The following TMTC1 variants were observed in gnomAD, a reference collection of about 807,000 sequenced individuals.
TMTC1 encodes protein O-mannosyl-transferase TMTC1.
Under a neutral mutation model 104.8 loss-of-function variants are expected in TMTC1, and 73 were observed. The ratio of observed to expected loss-of-function variants is 0.70; its 90% CI spans 0.58 to 0.85. The LOEUF is 0.85. TMTC1 is among the 40% of genes least tolerant of loss of function. The pLI is 0.00. For synonymous variants in TMTC1, 434 were observed against 428.7 expected (o/e 1.01, Z -0.15); for missense variants, 1,035 against 1,096.1 (o/e 0.94, Z 0.79).
chr12:29,704,837 C>T (rs1941695164), intron 5 of TMTC1, among the ~76,000 whole-genome samples: 1 of 152,208 alleles, frequency 6.6e-6, no homozygotes, highest in South Asian at 2.1e-4. Flanking sequence ...GCTGGTTCTA[C>T]TCCACTTCCA....
intron 2 of TMTC1, among the ~76,000 whole-genome samples, chr12:29,767,197 C>T (rs920046939): frequency 1.6e-4 from 25 of 152,160 alleles, no homozygotes; most frequent in African/African-American, 4.6e-4. Context: ...AAGTGATCTG[C>T]CTGTCTCAGC....
chr12:29,580,367 C>A (rs934419418), intron 8 of TMTC1, among the ~76,000 whole-genome samples: 7 of 151,938 alleles, frequency 4.6e-5, no homozygotes, highest in Non-Finnish European at 1.0e-4. Context: ...GTGTAGGAAC[C>A]CTGCATCTGT....
At chr12:29,532,404 G>GA (rs1172471002) in intron 11 of TMTC1, among the ~76,000 whole-genome samples, 1 of 151,324 alleles carries the variant, frequency 6.6e-6, no homozygotes, top group African/African-American at 2.4e-5. Flanking sequence ...AAAGCCCTAA[G>GA]AAAAAAAAGC....
At chr12:29,541,126 C>T (rs1944785575) in intron 10 of TMTC1, among the ~76,000 whole-genome samples, 1 of 152,146 alleles carries the variant, frequency 6.6e-6, no homozygotes, top group South Asian at 2.1e-4. Context: ...TATGATTCCC[C>T]CATGTTACAT....
chr12:29,553,290 T>C (rs1945154618), intron 10 of TMTC1, among the ~76,000 whole-genome samples: 1 of 152,168 alleles, frequency 6.6e-6, no homozygotes, highest in African/African-American at 2.4e-5. Context: ...AAAATGGGGA[T>C]GAGGAAGGCA....
intron 9 of TMTC1, among the ~76,000 whole-genome samples, chr12:29,564,042 G>A (rs140583438): frequency 7.7e-4 from 117 of 152,260 alleles, no homozygotes; most frequent in African/African-American, 1.9e-3. Flanking sequence ...GGAGGGGTAA[G>A]AGCAGGAAGA....
At chr12:29,716,840 C>T (rs963086279) in intron 5 of TMTC1, among the ~76,000 whole-genome samples, 1 of 152,008 alleles carries the variant, frequency 6.6e-6, no homozygotes, top group Non-Finnish European at 1.5e-5. Flanking sequence ...ACAGTGAAAC[C>T]CCGTCTCTAC....
Position 29,710,908 on chromosome 12 carries a change from A to G in TMTC1, c.938+40758T>C, listed in dbSNP as rs1277082094. Among the ~76,000 whole-genome samples, 8 of 1,516 alleles carry G rather than the reference A, an allele frequency of 5.3e-3. 1 individual carries two copies. Among genetic ancestry groups the G allele is most frequent in the African/African-American group, 5.9e-3 (8 of 1,358 alleles). The allele number at this position is 1,516 out of a possible 152,430, so 1.0% of individuals were successfully genotyped here. ...ATTATTAATATATAAATATATTAAT[A>G]ATATATAAATATATATAAATATATT... On this transcript the variant is annotated intron_variant, in intron 5 of 17. Coordinates refer to ENST00000539277, the MANE Select transcript of TMTC1 (RefSeq NM_001193451.2).
At chr12:29,672,134 G>C (rs144157151) in intron 5 of TMTC1, among the ~76,000 whole-genome samples, 3 of 152,186 alleles carry the variant, frequency 2.0e-5, no homozygotes, top group Non-Finnish European at 4.4e-5. Context: ...GATTGATGGT[G>C]ACTCCATCTC....
At chr12:29,663,325 A>T (rs1367972463) in intron 5 of TMTC1, among the ~76,000 whole-genome samples, 1 of 152,172 alleles carries the variant, frequency 6.6e-6, no homozygotes, top group Admixed American at 6.5e-5. Flanking sequence ...GAAATGGAAA[A>T]GGTGCTGGGG....
At chr12:29,737,082 G>A (rs77029314) in intron 5 of TMTC1, among the ~76,000 whole-genome samples, 4,360 of 152,334 alleles carry the variant, frequency 0.029, 131 homozygotes, top group African/African-American at 0.076. Flanking sequence ...AATGTGACAC[G>A]TCGCACCCGA....
intron 5 of TMTC1, among the ~76,000 whole-genome samples, chr12:29,643,460 TGGA>T (rs796245158): frequency 1.8e-3 from 99 of 55,184 alleles, no homozygotes; most frequent in African/African-American, 3.1e-3. Flanking sequence ...ATATATATGA[TGGA>T]ATATATATAT....
In TMTC1 at chr12:29,633,179, A is replaced by AGCCTTATT. The variant is rs1478344166; in HGVS notation, c.1095_1096insAATAAGGC (p.Leu366AsnfsTer5). ...GCTGCTAAGCAGTGCAGGCTCAATA[A>AGCCTTATT]GGCCATCACAACCGCCAGAAAGATG... On this transcript the variant is annotated frameshift_variant, in exon 6 of 18. Coordinates refer to ENST00000539277, the MANE Select transcript of TMTC1 (RefSeq NM_001193451.2). LOFTEE classifies it high-confidence loss of function. 24 of 1,613,906 alleles carry AGCCTTATT rather than the reference A, an allele frequency of 1.5e-5. No individual in the cohort carries two copies. The highest frequency in any genetic ancestry group is 1.4e-5 in the Non-Finnish European group (17 of 1,179,940).
chr12:29,662,073 T>G (rs539609327), intron 5 of TMTC1, among the ~76,000 whole-genome samples: 1 of 152,230 alleles, frequency 6.6e-6, no homozygotes, highest in East Asian at 1.9e-4. Context: ...ACATGCAAAA[T>G]TCTACACGGA....
chr12:29,662,021 C>T (rs113115997), intron 5 of TMTC1, among the ~76,000 whole-genome samples: 81 of 152,160 alleles, frequency 5.3e-4, no homozygotes, highest in African/African-American at 1.9e-3. Context: ...ATTAAGAAGC[C>T]CCAAATGAAA....
intron 6 of TMTC1, among the ~76,000 whole-genome samples, chr12:29,631,523 T>C (rs1206341066): frequency 1.4e-4 from 22 of 152,214 alleles, no homozygotes; most frequent in Admixed American, 1.4e-3. Context: ...TTGACAACTA[T>C]GTCAAAAAAC....
rs148283791 is a variant in TMTC1 at position 29,600,906 on chromosome 12, T to C, written c.1250+3272A>G. On this transcript the variant is annotated intron_variant, in intron 7 of 17. Coordinates refer to ENST00000539277, the MANE Select transcript of TMTC1 (RefSeq NM_001193451.2). Reference sequence around the variant, plus strand: ...GACTTAGTGATAATGCTGCAAGGCATAGATGCAGGAACTTGGAAAGAAAAG... The same window carrying C: ...GACTTAGTGATAATGCTGCAAGGCACAGATGCAGGAACTTGGAAAGAAAAG... 3.2e-4 allele frequency among the ~76,000 whole-genome samples: 48 copies of C among 152,326 alleles called. 2 individuals carry two copies. Among genetic ancestry groups the C allele is most frequent in the Admixed American group, 2.9e-3 (44 of 15,302 alleles).
intron 10 of TMTC1, among the ~76,000 whole-genome samples, chr12:29,549,442 G>A (rs370891728): frequency 1.3e-3 from 196 of 152,124 alleles, no homozygotes; most frequent in African/African-American, 4.3e-3. Flanking sequence ...AATTGTCTAC[G>A]TTATTTTGGG....
Position 29,587,166 on chromosome 12 carries a change from G to C in TMTC1, c.1251-3592C>G, listed in dbSNP as rs531366187. ...ACTGCTTCCTGGTTTAGTCTTGGGA[G>C]GGTGTAAGTGTCGAGGAATTTATCC... On this transcript the variant is annotated intron_variant, in intron 7 of 17. Coordinates refer to ENST00000539277, the MANE Select transcript of TMTC1 (RefSeq NM_001193451.2). Among the ~76,000 whole-genome samples, 12 of 152,246 alleles carry C rather than the reference G, an allele frequency of 7.9e-5. No individual in the cohort carries two copies. In the East Asian group the frequency reaches 2.3e-3, roughly 29 times the overall value.
Sources: gnomAD v4.1 joint callset for allele counts (sites outside exome capture counted in the v4.1 genomes callset) on GRCh38, gnomAD v4.1.1 for gene constraint, MANE v1.5 for transcripts, NCBI Gene and HGNC (gene_info 2026-07-23, HGNC 2026-07-21) for gene names.